The following PAFAH1B2 variants were observed in gnomAD, a reference collection of about 807,000 sequenced individuals.
PAFAH1B2 encodes the protein platelet activating factor acetylhydrolase 1b catalytic subunit 2, also known as platelet-activating factor acetylhydrolase IB subunit alpha2.
Under a neutral mutation model 28.0 loss-of-function variants are expected in PAFAH1B2, and 8 were observed. The ratio of observed to expected loss-of-function variants is 0.29; its 90% CI spans 0.17 to 0.52. PAFAH1B2 has a LOEUF of 0.52. Ranked by LOEUF, PAFAH1B2 falls within the 20% of genes least tolerant of loss-of-function variation. The pLI, the probability that PAFAH1B2 is intolerant of heterozygous loss-of-function variation, is 0.97. For synonymous variants in PAFAH1B2, 104 were observed against 103.2 expected, an observed-to-expected ratio of 1.01 and a Z score of -0.05; for missense variants, 190 against 282.6, an observed-to-expected ratio of 0.67 and a Z score of 2.35.
chr11:117,161,295 C>A, intron 4 of PAFAH1B2, 34 bp downstream of exon 4: 1 of 1,293,742 alleles, frequency 7.7e-7, no homozygotes, highest in Non-Finnish European at 1.1e-6. Context: ...TGTCATTAAT[C>A]TTAAGTCTGT....
chr11:117,163,393 C>T lies in PAFAH1B2; in HGVS notation c.289-377C>T, dbSNP rs531578078. Among the ~76,000 whole-genome samples the T allele has an allele frequency of 9.2e-5, 14 of 152,138 alleles. 1 individual carries two copies. In the South Asian group the frequency reaches 1.2e-3, roughly 14 times the overall value. ...TGCTTTTTGAAATAAGATTTTCGGC[C>T]GGGCGTGGTGGCTCACACCTGTAAT... On this transcript the variant is annotated intron_variant, in intron 4 of 5. Transcript: ENST00000527958.
chr11:117,163,222 G>A (rs1161670346), intron 4 of PAFAH1B2, among the ~76,000 whole-genome samples: 8 of 151,788 alleles, frequency 5.3e-5, no homozygotes, highest in Non-Finnish European at 7.4e-5. Context: ...ATTTTGGGAG[G>A]CCAAAGAAAG....
chr11:117,169,234 T>C lies in PAFAH1B2; in HGVS notation c.*1535T>C. The C allele has an allele frequency of 9.6e-7, 1 of 1,037,038 alleles. No homozygotes were observed. Among genetic ancestry groups the C allele is most frequent in the Non-Finnish European group, 1.2e-6 (1 of 861,482 alleles). The allele number at this position is 1,037,038 out of a possible 1,614,324, so 64.2% of individuals were successfully genotyped here. ...AGGTTTGTTTCACTTCTGAGGTGTC[T>C]TATTAATGTACTTCATCTGAGAATT... is the stretch of plus-strand genomic sequence containing the variant. On this transcript the variant is annotated 3_prime_UTR_variant, in exon 6 of 6. Transcript: ENST00000527958.
chr11:117,159,971 C>T lies in PAFAH1B2; in HGVS notation c.119C>T (p.Pro40Leu). ...RFVLDCKDKEPDVLFVGDSMV... is the reference protein window; with the variant it reads ...RFVLDCKDKELDVLFVGDSMV... ...GTTTTGGACTGTAAAGACAAAGAGC[C>T]TGATGTACTGTTCGTGGGAGACTCC... The change falls in exon 3 of 6, where the codon CCT (proline) becomes CTT (leucine). Residue 40 changes from proline to leucine, a missense_variant. Coordinates refer to ENST00000527958, the MANE Select transcript of PAFAH1B2 (RefSeq NM_002572.4). The T allele has an allele frequency of 6.2e-7, 1 of 1,613,924 alleles. No homozygotes were observed. Among genetic ancestry groups the T allele is most frequent in the Non-Finnish European group, 8.5e-7 (1 of 1,179,878 alleles).
chr11:117,172,557 T>A (rs1425734277), downstream of PAFAH1B2, among the ~76,000 whole-genome samples: 1 of 151,944 alleles, frequency 6.6e-6, no homozygotes, highest in East Asian at 1.9e-4. Flanking sequence ...TCTAACAGTC[T>A]CCATGACCTG....
chr11:117,154,980 G>A (rs1956228605), intron 2 of PAFAH1B2, among the ~76,000 whole-genome samples: 1 of 152,014 alleles, frequency 6.6e-6, no homozygotes, highest in South Asian at 2.1e-4. Flanking sequence ...GTAATAAAAA[G>A]GTTTTGTTTT....
At chr11:117,149,361 G>T (rs1276284520) in intron 1 of PAFAH1B2, among the ~76,000 whole-genome samples, 1 of 150,380 alleles carries the variant, frequency 6.6e-6, no homozygotes, top group East Asian at 1.9e-4. Flanking sequence ...GAGATTATAA[G>T]TGTGAGCCGC....
In PAFAH1B2 at chr11:117,159,984, C is replaced by G. The variant is rs374728066; in HGVS notation, c.132C>G (p.Phe44Leu). 6.2e-7 allele frequency: 1 copy of G among 1,613,682 alleles called. No individual in the cohort carries two copies. The highest frequency in any genetic ancestry group is 1.7e-5 in the Admixed American group (1 of 59,998). ...AAGACAAAGAGCCTGATGTACTGTT[C>G]GTGGGAGACTCCATGGTGCAGTTAA... ...DCKDKEPDVL[F>L]VGDSMVQLMQ... The change falls in exon 3 of 6, where the codon TTC becomes TTG. Residue 44 changes from phenylalanine (F) to leucine (L), a missense_variant. By Grantham distance (22) the Phe-to-Leu change is conservative. Coordinates refer to ENST00000527958, the MANE Select transcript of PAFAH1B2 (RefSeq NM_002572.4).
chr11:117,163,193 C>T lies in PAFAH1B2; in HGVS notation c.289-577C>T, dbSNP rs377273526. 2.7e-4 allele frequency among the ~76,000 whole-genome samples: 12 copies of T among 44,634 alleles called. No homozygotes were observed. The East Asian group carries it at 4.3e-3, about 16-fold the overall frequency. The allele number at this position is 44,634 out of a possible 152,430, so 29.3% of individuals were successfully genotyped here. ...ATGCATTAAGATTTCTGCCCTGGCT[C>T]AACATTTGTAGTCCCAGCATTTTGG... On this transcript the variant is annotated intron_variant, in intron 4 of 5. Coordinates refer to ENST00000527958, the MANE Select transcript of PAFAH1B2 (RefSeq NM_002572.4).
At chr11:117,149,509 C>G (rs1956097959) in intron 1 of PAFAH1B2, among the ~76,000 whole-genome samples, 2 of 133,732 alleles carry the variant, frequency 1.5e-5, no homozygotes, top group East Asian at 2.3e-4. Context: ...TTACTGCAAG[C>G]TCGGCCTCCC....
At chr11:117,152,381 T>A in intron 1 of PAFAH1B2, 60 bp from the exon 2 acceptor site, 1 of 969,826 alleles carries the variant, frequency 1.0e-6, no homozygotes, top group Admixed American at 1.8e-5. Context: ...TGTATAATAT[T>A]TAAGTGGTAA....
intron 1 of PAFAH1B2, among the ~76,000 whole-genome samples, chr11:117,149,667 C>T (rs1474671436): frequency 2.1e-5 from 3 of 143,974 alleles, no homozygotes; most frequent in Admixed American, 1.4e-4. Flanking sequence ...CTCCTGACCT[C>T]GTGATCTGCC....
chr11:117,154,439 A>G (rs1956218869), intron 2 of PAFAH1B2, among the ~76,000 whole-genome samples: 1 of 152,212 alleles, frequency 6.6e-6, no homozygotes, highest in South Asian at 2.1e-4. Flanking sequence ...TTTTTTGGAG[A>G]CAGAATCTTG....
At chr11:117,157,413 A>T (rs1215244408) in intron 2 of PAFAH1B2, among the ~76,000 whole-genome samples, 1 of 152,062 alleles carries the variant, frequency 6.6e-6, no homozygotes, top group African/African-American at 2.4e-5. Context: ...GAGGCCTAGG[A>T]TTACAGGCGT....
intron 2 of PAFAH1B2, among the ~76,000 whole-genome samples, chr11:117,158,250 C>T (rs1465723308): frequency 6.6e-6 from 1 of 152,028 alleles, no homozygotes; most frequent in East Asian, 1.9e-4. Flanking sequence ...TGATGTTGCC[C>T]AGGCTGGTCT....
At chr11:117,161,405 C>T (rs1956366668) in intron 4 of PAFAH1B2, 144 bp downstream of exon 4, 2 of 523,148 alleles carry the variant, frequency 3.8e-6, no homozygotes, top group Non-Finnish European at 6.7e-6. Context: ...ATGATACTGT[C>T]ATTGCTTGAG....
rs1323235075 is a variant in PAFAH1B2 at position 117,170,507 on chromosome 11, G to A, written c.*2808G>A. Reference sequence around the variant, plus strand: ...CGTAGACAGCGCTCTGGCTACCACCGTGAGGCTACTTGAACTGTCAGGGGC... The same window carrying A: ...CGTAGACAGCGCTCTGGCTACCACCATGAGGCTACTTGAACTGTCAGGGGC... On this transcript the variant is annotated 3_prime_UTR_variant, in exon 6 of 6. Coordinates refer to ENST00000527958, the MANE Select transcript of PAFAH1B2 (RefSeq NM_002572.4). 2.8e-6 allele frequency: 3 copies of A among 1,058,644 alleles called. No individual in the cohort carries two copies. The highest frequency in any genetic ancestry group is 5.2e-5 in the East Asian group (1 of 19,356). The allele number at this position is 1,058,644 out of a possible 1,614,324, so 65.6% of individuals were successfully genotyped here. A position where few individuals can be genotyped will look rare whatever the true frequency, so the allele number is the denominator to read the frequency against.
downstream of PAFAH1B2, chr11:117,175,218 T>G: frequency 9.1e-7 from 1 of 1,098,286 alleles, no homozygotes; most frequent in Non-Finnish European, 1.1e-6. Context: ...GCTGGACCTG[T>G]GCACAAGGCC....
At chr11:117,144,639 G>C (rs907317203) in intron 1 of PAFAH1B2, among the ~76,000 whole-genome samples, 2 of 152,126 alleles carry the variant, frequency 1.3e-5, no homozygotes, top group Admixed American at 1.3e-4. Flanking sequence ...TTTTCGCTCT[G>C]AGAGCCCTTT....
Sources: gnomAD v4.1 joint callset for allele counts (sites outside exome capture counted in the v4.1 genomes callset) on GRCh38, gnomAD v4.1.1 for gene constraint, MANE v1.5 for transcripts, NCBI Gene and HGNC (gene_info 2026-07-23, HGNC 2026-07-21) for gene names.